TAB2: variants seen among roughly 807,000 people sequenced by gnomAD.
The protein encoded by TAB2 is TGF-beta-activated kinase 1 and MAP3K7-binding protein 2.
In TAB2, 3 loss-of-function variants were observed where a neutral mutation model predicts 65.0. The observed-to-expected ratio is 0.05, with a 90% CI of 0.02 to 0.12. The LOEUF (loss-of-function observed/expected upper bound fraction) is 0.12. Among genes scored for constraint, TAB2 ranks in the 10% least tolerant of loss-of-function variants. The pLI, the probability that TAB2 is intolerant of heterozygous loss-of-function variation, is 1.00. For synonymous variants in TAB2, 298 were observed against 285.1 expected, an observed-to-expected ratio of 1.05 and a Z score of -0.46; for missense variants, 623 against 840.3, an observed-to-expected ratio of 0.74 and a Z score of 3.20.
chr6:149,400,802 A>G (rs1045731265), intron 6 of TAB2: 11 of 1,094,830 alleles, frequency 1.0e-5, no homozygotes, highest in Admixed American at 7.8e-5. Context: ...AGTTTTCTCT[A>G]TTCTTTTGTT....
chr6:149,383,685 C>G (rs546117428), intron 3 of TAB2, among the ~76,000 whole-genome samples: 2 of 152,334 alleles, frequency 1.3e-5, no homozygotes, highest in South Asian at 4.1e-4. Context: ...CGGATTCAAG[C>G]AGTTCTCCTG....
At position 149,343,686 on chromosome 6, in the gene TAB2, T is replaced by C. The variant is rs1780202452; in HGVS notation, c.-90+25671T>C. ...ACAAATAGTCAGAGTCATCCTGGAGTGTAACAACAAAACCAAAAACTGAGG... is the reference window on the plus strand; with the variant it reads ...ACAAATAGTCAGAGTCATCCTGGAGCGTAACAACAAAACCAAAAACTGAGG... On this transcript the variant is annotated intron_variant, in intron 1 of 6. Coordinates refer to ENST00000637181, the MANE Select transcript of TAB2 (RefSeq NM_001292034.3). Among the ~76,000 whole-genome samples the C allele has an allele frequency of 2.0e-5, 3 of 151,944 alleles. No individual in the cohort carries two copies. In the South Asian group the frequency reaches 6.2e-4, roughly 32 times the overall value.
At chr6:149,368,437 A>G (rs1781109751) in intron 1 of TAB2, among the ~76,000 whole-genome samples, 1 of 149,870 alleles carries the variant, frequency 6.7e-6, no homozygotes, top group East Asian at 1.9e-4. Flanking sequence ...ACTTACGTAT[A>G]AACAACCCTT....
chr6:149,296,778 G>T (rs1778883902), intron 1 of TAB2, among the ~76,000 whole-genome samples: 1 of 152,160 alleles, frequency 6.6e-6, no homozygotes, highest in Non-Finnish European at 1.5e-5. Context: ...AGGAGGTAAA[G>T]CTGAAATCTT....
At position 149,403,353 on chromosome 6, in the gene TAB2, C is replaced by CATATATAT. The variant is rs1562456658; in HGVS notation, c.1939+4170_1939+4171insTATATATA. 3.9e-3 allele frequency among the ~76,000 whole-genome samples: 544 copies of CATATATAT among 139,054 alleles called. 12 individuals are homozygous for CATATATAT. Among genetic ancestry groups the CATATATAT allele is most frequent in the African/African-American group, 0.015 (516 of 34,906 alleles). 91.2% of individuals were successfully genotyped at this position (139,054 alleles called of 152,430 possible). Reference sequence around the variant, plus strand: ...ATACATATATATACACACACACACACACACACACACACACACACACATACA... The same window carrying CATATATAT: ...ATACATATATATACACACACACACACATATATATACACACACACACACACACACATACA... On this transcript the variant is annotated intron_variant, in intron 6 of 6. Coordinates refer to ENST00000637181, the MANE Select transcript of TAB2 (RefSeq NM_001292034.3).
intron 1 of TAB2, among the ~76,000 whole-genome samples, chr6:149,360,926 A>G (rs1780825073): frequency 1.3e-5 from 2 of 152,206 alleles, no homozygotes; most frequent in South Asian, 4.1e-4. Flanking sequence ...CAGTCATTAA[A>G]TCTTAAAGCT....
intron 1 of TAB2, among the ~76,000 whole-genome samples, chr6:149,257,892 C>T (rs1388597143): frequency 6.6e-6 from 1 of 152,088 alleles, no homozygotes; most frequent in African/African-American, 2.4e-5. Flanking sequence ...AGATCAACGA[C>T]GGGTACACAG....
At chr6:149,351,260 C>G (rs1426807595) in intron 1 of TAB2, among the ~76,000 whole-genome samples, 1 of 152,084 alleles carries the variant, frequency 6.6e-6, no homozygotes. Context: ...GTTTTTTGTC[C>G]CGTATGCATT....
intron 1 of TAB2, among the ~76,000 whole-genome samples, chr6:149,233,463 G>A (rs527340898): frequency 4.6e-5 from 7 of 152,286 alleles, no homozygotes; most frequent in Admixed American, 2.0e-4. Flanking sequence ...TTTGTCACAC[G>A]TAAGTGTCAT....
intron 1 of TAB2, among the ~76,000 whole-genome samples, chr6:149,220,587 C>T (rs1304787129): frequency 1.3e-5 from 2 of 152,114 alleles, no homozygotes. Context: ...AGCTGTCAGG[C>T]CCACAGTGGA....
chr6:149,220,016 C>T (rs6917720), intron 1 of TAB2, among the ~76,000 whole-genome samples: 5,553 of 152,138 alleles, frequency 0.036, 345 homozygotes, highest in African/African-American at 0.13. Flanking sequence ...AAATAATAAC[C>T]TTATCACGTT....
intron 1 of TAB2, among the ~76,000 whole-genome samples, chr6:149,236,058 G>C (rs1015767919): frequency 6.6e-6 from 1 of 152,162 alleles, no homozygotes; most frequent in African/African-American, 2.4e-5. Context: ...GATTAAAGTG[G>C]TCCAGGACAT....
intron 1 of TAB2, among the ~76,000 whole-genome samples, chr6:149,340,537 G>A (rs1371321994): frequency 6.6e-6 from 1 of 152,042 alleles, no homozygotes; most frequent in Admixed American, 6.6e-5. Flanking sequence ...TGTATACCTG[G>A]AAAAGCCAAG....
chr6:149,227,199 A>G (rs1219718313), intron 1 of TAB2, among the ~76,000 whole-genome samples: 1 of 152,226 alleles, frequency 6.6e-6, no homozygotes, highest in African/African-American at 2.4e-5. Flanking sequence ...AATTACAGAA[A>G]GTAGAAATGG....
At chr6:149,407,318 A>T (rs551134394) in intron 6 of TAB2, among the ~76,000 whole-genome samples, 1 of 152,332 alleles carries the variant, frequency 6.6e-6, no homozygotes, top group East Asian at 1.9e-4. Context: ...ATTTTTTCTT[A>T]TGAAAAGTTT....
At chr6:149,357,958 C>T (rs935970999) in intron 1 of TAB2, among the ~76,000 whole-genome samples, 1 of 152,164 alleles carries the variant, frequency 6.6e-6, no homozygotes, top group African/African-American at 2.4e-5. Context: ...GCCTTGGCCT[C>T]CCAAAGTGCC....
At chr6:149,275,297 A>AAAGAAAGAAAGG (rs201394158) in intron 1 of TAB2, among the ~76,000 whole-genome samples, 3 of 141,514 alleles carry the variant, frequency 2.1e-5, no homozygotes, top group Non-Finnish European at 4.7e-5. Context: ...AGAAAGAAAG[A>AAAGAAAGAAAGG]AAGAGAAAAA....
At position 149,409,637 on chromosome 6, in the gene TAB2, A is replaced by C. The variant is rs1027371316; in HGVS notation, c.2000A>C (p.Gln667Pro). Residue 667 changes from glutamine (Q) to proline (P), a missense_variant, in exon 7 of 7, where the codon CAG becomes CCG. Physicochemically the swap from Gln to Pro is moderately conservative, Grantham distance 76 (BLOSUM62 -1). Coordinates refer to ENST00000637181, the MANE Select transcript of TAB2 (RefSeq NM_001292034.3). Reference protein sequence around the residue: ...TQDTEDDEGAQWNCTACTFLN... With the variant: ...TQDTEDDEGAPWNCTACTFLN... ...GACACAGAAGATGATGAGGGAGCTC[A>C]GTGGAATTGTACCGCCTGTACTTTT... The C allele has an allele frequency of 6.2e-7, 1 of 1,614,034 alleles. No homozygotes were observed. The highest frequency in any genetic ancestry group is 8.5e-7 in the Non-Finnish European group (1 of 1,179,968).
chr6:149,302,825 C>A (rs543883488), intron 1 of TAB2, among the ~76,000 whole-genome samples: 1 of 152,214 alleles, frequency 6.6e-6, no homozygotes, highest in East Asian at 1.9e-4. Flanking sequence ...TCCCAGGCCA[C>A]GGGCCAGTAC....
Sources: allele counts gnomAD v4.1 joint callset (sites outside exome capture counted in the v4.1 genomes callset), GRCh38; gene constraint gnomAD v4.1.1; transcripts MANE v1.5; gene names NCBI Gene and HGNC (gene_info 2026-07-23, HGNC 2026-07-21).